CTNNA3: variants seen among roughly 807,000 people sequenced by gnomAD.
CTNNA3 encodes the protein catenin alpha 3.
CTNNA3 carries 76 observed loss-of-function variants against 95.7 expected under a neutral mutation model. The ratio of observed to expected loss-of-function variants is 0.79; its 90% CI spans 0.66 to 0.96. CTNNA3 has a LOEUF of 0.96. Ranked by LOEUF, CTNNA3 falls within the 40% of genes least tolerant of loss-of-function variation. CTNNA3 has a pLI of 0.00. For synonymous variants in CTNNA3, 431 were observed against 374.4 expected, an observed-to-expected ratio of 1.15 and a Z score of -1.74; for missense variants, 1,191 against 1,089.8, an observed-to-expected ratio of 1.09 and a Z score of -1.31.
chr10:67,046,868 T>G (rs183803429), intron 7 of CTNNA3, among the ~76,000 whole-genome samples: 13 of 152,222 alleles, frequency 8.5e-5, no homozygotes, highest in Non-Finnish European at 1.6e-4. Context: ...GAATTAAGGG[T>G]CCAAAGAAAA....
chr10:66,976,001 T>C (rs1489406623), intron 7 of CTNNA3, among the ~76,000 whole-genome samples: 7 of 152,202 alleles, frequency 4.6e-5, no homozygotes, highest in Non-Finnish European at 1.0e-4. Flanking sequence ...TTGATTCTTT[T>C]CTACCAACTG....
intron 5 of CTNNA3, among the ~76,000 whole-genome samples, chr10:67,462,752 T>C (rs575073813): frequency 7.2e-5 from 11 of 152,306 alleles, no homozygotes; most frequent in African/African-American, 2.6e-4. Flanking sequence ...AGTAGATTTT[T>C]ATTATACCTG....
intron 12 of CTNNA3, among the ~76,000 whole-genome samples, chr10:66,298,463 C>CAT (rs1393654355): frequency 6.6e-6 from 1 of 152,104 alleles, no homozygotes; most frequent in East Asian, 1.9e-4. Flanking sequence ...ACCATATACA[C>CAT]ACATACATAT....
At position 67,179,675 on chromosome 10, in the gene CTNNA3, A is replaced by G. The variant is rs184569702; in HGVS notation, c.1047+642T>C. Reference sequence around the variant, plus strand: ...AAAACCCCATCTCTACAAAAACTACAAAAATTAGCTGGGCATGGTAACACA... The same window carrying G: ...AAAACCCCATCTCTACAAAAACTACGAAAATTAGCTGGGCATGGTAACACA... On this transcript the variant is annotated intron_variant, in intron 7 of 17. Coordinates refer to ENST00000433211, the MANE Select transcript of CTNNA3 (RefSeq NM_013266.4). Among the ~76,000 whole-genome samples the G allele has an allele frequency of 7.6e-4, 115 of 152,130 alleles. 2 individuals are homozygous for G. The highest frequency in any genetic ancestry group is 3.4e-3 in the Middle Eastern group (1 of 294).
chr10:66,313,535 A>G (rs1564858954), intron 12 of CTNNA3, among the ~76,000 whole-genome samples: 1 of 152,166 alleles, frequency 6.6e-6, no homozygotes, highest in Non-Finnish European at 1.5e-5. Context: ...CAGCTTGTAC[A>G]GTGTCTGGCT....
At chr10:66,435,028 G>A (rs2093327075) in intron 11 of CTNNA3, among the ~76,000 whole-genome samples, 1 of 151,750 alleles carries the variant, frequency 6.6e-6, no homozygotes, top group South Asian at 2.1e-4. Flanking sequence ...TTTTTGATGT[G>A]CTGCTGGATT....
chr10:66,036,315 GTC>G (rs1352877987), intron 15 of CTNNA3, among the ~76,000 whole-genome samples: 1 of 152,114 alleles, frequency 6.6e-6, no homozygotes, highest in Admixed American at 6.5e-5. Flanking sequence ...ACCTCAGTAA[GTC>G]TCTAGACGGC....
At chr10:66,352,455 G>C (rs942737904) in intron 12 of CTNNA3, among the ~76,000 whole-genome samples, 3 of 152,152 alleles carry the variant, frequency 2.0e-5, no homozygotes, top group Non-Finnish European at 4.4e-5. Context: ...AGGACTAGCA[G>C]TAGGAAGCAA....
rs114863535 is a variant in CTNNA3, at chr10:67,169,727, T to C, written c.1047+10590A>G. Among the ~76,000 whole-genome samples, 1,486 of 152,228 alleles carry C rather than the reference T, an allele frequency of 9.8e-3. 36 individuals are homozygous for C. The highest frequency in any genetic ancestry group is 0.034 in the African/African-American group (1,413 of 41,536). On this transcript the variant is annotated intron_variant, in intron 7 of 17. Transcript: ENST00000433211. Reference sequence around the variant, plus strand: ...TCCTGGACATAGGAATGGGCAAAGATGTCAGGACAAAGACACCAAAAGCAA... The same window carrying C: ...TCCTGGACATAGGAATGGGCAAAGACGTCAGGACAAAGACACCAAAAGCAA...
At chr10:66,321,204 A>T (rs1327122552) in intron 12 of CTNNA3, among the ~76,000 whole-genome samples, 1 of 152,030 alleles carries the variant, frequency 6.6e-6, no homozygotes, top group African/African-American at 2.4e-5. Flanking sequence ...ATAGGTAAAA[A>T]ATAAAATATA....
rs1056961594 is a variant in CTNNA3 at position 66,497,907 on chromosome 10, C to G, written c.1531+22710G>C. Among the ~76,000 whole-genome samples, 7 of 152,018 alleles carry G rather than the reference C, an allele frequency of 4.6e-5. 1 individual carries two copies. On this transcript the variant is annotated intron_variant, in intron 11 of 17. Transcript: ENST00000433211. Reference sequence around the variant, plus strand: ...AGAAGAAGACATAGATAATAAAAGTCCACTAGCGATTGGATTGTCCTTTTA... The same window carrying G: ...AGAAGAAGACATAGATAATAAAAGTGCACTAGCGATTGGATTGTCCTTTTA...
chr10:67,614,140 T>C (rs192387091), intron 2 of CTNNA3, among the ~76,000 whole-genome samples: 1 of 152,236 alleles, frequency 6.6e-6, no homozygotes, highest in East Asian at 1.9e-4. Context: ...GATTGGTCCA[T>C]TTTACAGAGT....
At chr10:66,556,262 T>A (rs1328186367) in intron 10 of CTNNA3, among the ~76,000 whole-genome samples, 2 of 152,044 alleles carry the variant, frequency 1.3e-5, no homozygotes, top group African/African-American at 4.8e-5. Flanking sequence ...ACACTGTTAA[T>A]GGGAATGGAA....
intron 7 of CTNNA3, among the ~76,000 whole-genome samples, chr10:66,878,219 T>G (rs1191506336): frequency 6.6e-6 from 1 of 152,140 alleles, no homozygotes; most frequent in East Asian, 1.9e-4. Context: ...CTTGTTGAAG[T>G]TTTTTGTCCG....
chr10:67,237,887 C>A (rs1418650427), intron 5 of CTNNA3, among the ~76,000 whole-genome samples: 1 of 152,074 alleles, frequency 6.6e-6, no homozygotes, highest in Admixed American at 6.6e-5. Flanking sequence ...AGGCAATAAC[C>A]CAGGTCTGGG....
At chr10:66,130,877 A>G (rs11492343) in intron 13 of CTNNA3, among the ~76,000 whole-genome samples, 31,567 of 150,574 alleles carry the variant, frequency 0.21, 3,483 homozygotes, top group Admixed American at 0.26. Flanking sequence ...AAAAAAAAAA[A>G]AAAGAAAGAA....
intron 14 of CTNNA3, among the ~76,000 whole-genome samples, chr10:66,079,969 G>C (rs1364095375): frequency 6.6e-6 from 1 of 151,956 alleles, no homozygotes; most frequent in Non-Finnish European, 1.5e-5. Context: ...ATATCAATTT[G>C]AGTAATATAC....
chr10:66,024,514 G>A (rs2079298587), intron 15 of CTNNA3, among the ~76,000 whole-genome samples: 1 of 152,162 alleles, frequency 6.6e-6, no homozygotes, highest in South Asian at 2.1e-4. Flanking sequence ...ACCATTCTCT[G>A]TAAAGATGTG....
At chr10:66,462,431 TC>T (rs2093535952) in intron 11 of CTNNA3, among the ~76,000 whole-genome samples, 1 of 152,084 alleles carries the variant, frequency 6.6e-6, no homozygotes, top group Non-Finnish European at 1.5e-5. Flanking sequence ...GCCTGCCATT[TC>T]CCTCCCACAA....
Sources: gnomAD v4.1 joint callset for allele counts (sites outside exome capture counted in the v4.1 genomes callset) on GRCh38, gnomAD v4.1.1 for gene constraint, MANE v1.5 for transcripts, NCBI Gene and HGNC (gene_info 2026-07-23, HGNC 2026-07-21) for gene names.